Variants in C19orf12 observed in about 807,000 individuals in gnomAD.
The protein encoded by C19orf12 is protein C19orf12.
A neutral mutation model predicts 3.8 loss-of-function variants in C19orf12; 2 were observed. The observed-to-expected ratio is 0.53, with a 90% CI of 0.22 to 1.66. C19orf12 has a LOEUF of 1.66. Ranked by LOEUF, C19orf12 falls within the 40% of genes most tolerant of loss-of-function variation. The probability of loss-of-function intolerance (pLI) is 0.20; values close to 1 mark genes in which losing one functional copy is unlikely to be tolerated. For missense variants in C19orf12, 156 were observed against 188.8 expected (o/e 0.83, Z 1.02); for synonymous variants, 89 against 84.6 (o/e 1.05, Z -0.28).
chr19:29,711,990 T>C (rs541006263), intron 1 of C19orf12, among the ~76,000 whole-genome samples: 2 of 152,310 alleles, frequency 1.3e-5, no homozygotes, highest in East Asian at 3.9e-4. Flanking sequence ...GCCTAAGAAG[T>C]CGTTGCCCTT....
intron 1 of C19orf12, among the ~76,000 whole-genome samples, chr19:29,711,036 G>GTTTTTTTTTTTTTTTTTTTTTTTTT: frequency 1.0e-5 from 1 of 98,274 alleles, no homozygotes; most frequent in Non-Finnish European, 1.8e-5. Flanking sequence ...ATACAGAGAG[G>GTTTTTTTTTTTTTTTTTTTTTTTTT]TTTTTTTTTT....
chr19:29,711,852 C>T (rs1343639348), intron 1 of C19orf12, among the ~76,000 whole-genome samples: 1 of 152,106 alleles, frequency 6.6e-6, no homozygotes, highest in Non-Finnish European at 1.5e-5. Context: ...GATGTCCTTG[C>T]AAAAATGCTA....
Position 29,700,725 on chromosome 19 carries a change from G to A in C19orf12, c.*1987C>T, listed in dbSNP as rs966987315. 6 of 454,046 alleles carry A rather than the reference G, an allele frequency of 1.3e-5. No individual in the cohort carries two copies. Among genetic ancestry groups the A allele is most frequent in the East Asian group, 6.9e-5 (1 of 14,402 alleles). 28.1% of individuals were successfully genotyped at this position (454,046 alleles called of 1,614,324 possible). A position where few individuals can be genotyped will look rare whatever the true frequency, so the allele number is the denominator to read the frequency against. On this transcript the variant is annotated 3_prime_UTR_variant, in exon 3 of 3. Coordinates refer to ENST00000323670, the MANE Select transcript of C19orf12 (RefSeq NM_031448.6). Reference sequence around the variant, plus strand: ...AGACGAGGCCAGCAGAAGAGCAATCGCTCTGCAAGAGAAAGGCTCGGCCCT... The same window carrying A: ...AGACGAGGCCAGCAGAAGAGCAATCACTCTGCAAGAGAAAGGCTCGGCCCT...
chr19:29,703,317 A>G (rs972964689), intron 2 of C19orf12, among the ~76,000 whole-genome samples: 15 of 152,062 alleles, frequency 9.9e-5, no homozygotes, highest in Admixed American at 9.2e-4. Context: ...GCTTACTGTA[A>G]AAATCCCTCT....
At chr19:29,703,126 G>A (rs543827969) in intron 2 of C19orf12, 149 bp from the exon 3 acceptor site, 16 of 1,022,384 alleles carry the variant, frequency 1.6e-5, no homozygotes, top group East Asian at 1.0e-4. Flanking sequence ...CGCCTGCTCC[G>A]CCAGCCAGTG....
Position 29,702,401 on chromosome 19 carries a change from T to G in C19orf12, c.*311A>C. ...GAGCGTGATCACTTCCCCAGACCCA[T>G]GCGGGTGAGAGGACTCAGCAGACGC... On this transcript the variant is annotated 3_prime_UTR_variant, in exon 3 of 3. Transcript: ENST00000323670. 3.5e-6 allele frequency: 2 copies of G among 571,116 alleles called. No individual in the cohort carries two copies. The highest frequency in any genetic ancestry group is 3.1e-5 in the South Asian group (2 of 65,514). The allele number at this position is 571,116 out of a possible 1,614,324, so 35.4% of individuals were successfully genotyped here.
intron 2 of C19orf12, among the ~76,000 whole-genome samples, chr19:29,706,541 A>C (rs2145634355): frequency 6.6e-6 from 1 of 152,216 alleles, no homozygotes; most frequent in East Asian, 1.9e-4. Flanking sequence ...GCTATATGAC[A>C]AAATGATCCC....
chr19:29,702,414 A>T lies in C19orf12; in HGVS notation c.*298T>A. 3.3e-6 allele frequency: 2 copies of T among 597,916 alleles called. No homozygotes were observed. Among genetic ancestry groups the T allele is most frequent in the South Asian group, 3.0e-5 (2 of 65,752 alleles). The allele number at this position is 597,916 out of a possible 1,614,324, so 37.0% of individuals were successfully genotyped here. A position where few individuals can be genotyped will look rare whatever the true frequency, so the allele number is the denominator to read the frequency against. On this transcript the variant is annotated 3_prime_UTR_variant, in exon 3 of 3. Coordinates refer to ENST00000323670, the MANE Select transcript of C19orf12 (RefSeq NM_031448.6). ...TCCCCAGACCCATGCGGGTGAGAGGACTCAGCAGACGCCTCCGAAGCCTGC... is the reference window on the plus strand; with the variant it reads ...TCCCCAGACCCATGCGGGTGAGAGGTCTCAGCAGACGCCTCCGAAGCCTGC...
At chr19:29,711,680 AAC>A (rs1972685432) in intron 1 of C19orf12, among the ~76,000 whole-genome samples, 1 of 152,162 alleles carries the variant, frequency 6.6e-6, no homozygotes, top group Admixed American at 6.5e-5. Flanking sequence ...GCACTCTCAA[AAC>A]AGTTTCTGCA....
intron 2 of C19orf12, chr19:29,705,326 A>C (rs1176458354): frequency 2.2e-6 from 1 of 450,718 alleles, no homozygotes; most frequent in Non-Finnish European, 4.4e-6. Flanking sequence ...AAGTCTGAGA[A>C]AGTGTTAAAG....
chr19:29,711,036 G>GTTTTTTTTTTTTTTTTTTTTTTTTTTTT (rs781530564), intron 1 of C19orf12, among the ~76,000 whole-genome samples: 1 of 98,274 alleles, frequency 1.0e-5, no homozygotes, highest in Non-Finnish European at 1.8e-5. Context: ...ATACAGAGAG[G>GTTTTTTTTTTTTTTTTTTTTTTTTTTTT]TTTTTTTTTT....
At position 29,703,041 on chromosome 19, in the gene C19orf12, C is replaced by T. The variant is rs111920087; in HGVS notation, c.161-64G>A. The T allele has an allele frequency of 1.9e-3, 3,007 of 1,602,370 alleles. 47 individuals are homozygous for T. In the African/African-American group the frequency reaches 0.036, roughly 19 times the overall value. ...CATAAGCGATGGCCTTACTTAAGTT[C>T]CCACTGAGTGCACACCACCATCACC... On this transcript the variant is annotated intron_variant, in intron 2 of 2. Transcript: ENST00000323670.
intron 1 of C19orf12, among the ~76,000 whole-genome samples, chr19:29,710,863 A>G (rs1972628403): frequency 6.6e-6 from 1 of 152,142 alleles, no homozygotes; most frequent in African/African-American, 2.4e-5. Context: ...TTGTTTACAT[A>G]CAAATGTCTA....
chr19:29,714,998 TC>T (rs1972885730), intron 1 of C19orf12, 126 bp downstream of exon 1: 1 of 708,478 alleles, frequency 1.4e-6, no homozygotes, highest in Non-Finnish European at 2.6e-6. Context: ...AGGGCCGGGC[TC>T]CCGGCAGGGC....
chr19:29,706,582 G>A (rs1036395787), intron 2 of C19orf12, among the ~76,000 whole-genome samples: 35 of 152,190 alleles, frequency 2.3e-4, no homozygotes, highest in African/African-American at 8.2e-4. Context: ...TGAGATGGAG[G>A]TGGGGGCACA....
chr19:29,699,554 A>G lies in C19orf12; in HGVS notation c.*3158T>C, dbSNP rs1211548517. 1 of 453,630 alleles carries G rather than the reference A, an allele frequency of 2.2e-6. No homozygotes were observed. The highest frequency in any genetic ancestry group is 6.9e-5 in the East Asian group (1 of 14,408). The allele number at this position is 453,630 out of a possible 1,614,324, so 28.1% of individuals were successfully genotyped here. A position where few individuals can be genotyped will look rare whatever the true frequency, so the allele number is the denominator to read the frequency against. On this transcript the variant is annotated 3_prime_UTR_variant, in exon 3 of 3. Coordinates refer to ENST00000323670, the MANE Select transcript of C19orf12 (RefSeq NM_031448.6). ...TAGCATTAAAACAATTGCAGGAAAG[A>G]CACCAAATCTGTTACCAGCAGTTTT...
At chr19:29,704,520 C>A (rs892410478) in intron 2 of C19orf12, among the ~76,000 whole-genome samples, 1 of 152,186 alleles carries the variant, frequency 6.6e-6, no homozygotes, top group African/African-American at 2.4e-5. Flanking sequence ...ACTTCTGCCA[C>A]CCTAAAAGGG....
intron 2 of C19orf12, among the ~76,000 whole-genome samples, chr19:29,707,790 C>T (rs1371385047): frequency 6.6e-6 from 1 of 152,140 alleles, no homozygotes. Context: ...ATCTTTAACT[C>T]CACCAACTCC....
Position 29,701,593 on chromosome 19 carries a change from C to A in C19orf12, c.*1119G>T, listed in dbSNP as rs1242389893. 1 of 453,924 alleles carries A rather than the reference C, an allele frequency of 2.2e-6. No individual in the cohort carries two copies. The highest frequency in any genetic ancestry group is 2.0e-5 in the African/African-American group (1 of 49,974). The allele number at this position is 453,924 out of a possible 1,614,324, so 28.1% of individuals were successfully genotyped here. A position where few individuals can be genotyped will look rare whatever the true frequency, so the allele number is the denominator to read the frequency against. On this transcript the variant is annotated 3_prime_UTR_variant, in exon 3 of 3. Transcript: ENST00000323670. ...GGAGAGCTGACTGTACTGGGGAAAT[C>A]TTTAGGGTAGAAACATTTCTTAGAG...
Sources: allele counts gnomAD v4.1 joint callset (sites outside exome capture counted in the v4.1 genomes callset), GRCh38; gene constraint gnomAD v4.1.1; transcripts MANE v1.5; gene names NCBI Gene and HGNC (gene_info 2026-07-23, HGNC 2026-07-21).